SEMA3D: variants seen among roughly 807,000 people sequenced by gnomAD.
SEMA3D encodes the protein semaphorin-3D.
A neutral mutation model predicts 100.1 loss-of-function variants in SEMA3D; 84 were observed. The ratio of observed to expected loss-of-function variants is 0.84; its 90% CI spans 0.70 to 1.01. The LOEUF is 1.01. Ranked by LOEUF, SEMA3D falls within the 50% of genes least tolerant of loss-of-function variation. The probability of loss-of-function intolerance (pLI) is 0.00; values close to 1 mark genes in which losing one functional copy is unlikely to be tolerated. For synonymous variants in SEMA3D, 312 were observed against 320.7 expected (o/e 0.97, Z 0.29); for missense variants, 875 against 934.1 (o/e 0.94, Z 0.82).
At chr7:85,074,622 C>CATAT (rs10610475) in intron 5 of SEMA3D, among the ~76,000 whole-genome samples, 2 of 148,834 alleles carry the variant, frequency 1.3e-5, no homozygotes, top group Non-Finnish European at 3.0e-5. Context: ...TTTCAACTGG[C>CATAT]ATATATATAT....
At chr7:85,225,667 G>T in the SEMA3D span, among the ~76,000 whole-genome samples, 1,570 of 152,206 alleles carry the variant, frequency 0.01, 10 homozygotes, top group Non-Finnish European at 0.016. Flanking sequence ...TAAACTAAAA[G>T]AGCACCCTGT....
chr7:85,032,427 G>C (rs1040589053), intron 12 of SEMA3D, among the ~76,000 whole-genome samples: 1 of 151,926 alleles, frequency 6.6e-6, no homozygotes, highest in Admixed American at 6.6e-5. Flanking sequence ...GAAGTAAAAG[G>C]CTACCTATCT....
chr7:85,075,136 G>C (rs1380046912), intron 5 of SEMA3D, among the ~76,000 whole-genome samples: 1 of 152,122 alleles, frequency 6.6e-6, no homozygotes, highest in African/African-American at 2.4e-5. Context: ...GTACATAGGG[G>C]AGAGTATGCA....
At chr7:85,099,621 T>G (rs1212807676) in intron 3 of SEMA3D, among the ~76,000 whole-genome samples, 1 of 151,958 alleles carries the variant, frequency 6.6e-6, no homozygotes, top group East Asian at 1.9e-4. Flanking sequence ...TTCCAAAGTG[T>G]CTATACCACT....
chr7:85,234,601 AG>A, the SEMA3D span, among the ~76,000 whole-genome samples: 1 of 152,204 alleles, frequency 6.6e-6, no homozygotes, highest in African/African-American at 2.4e-5. Context: ...GCTCAATAAA[AG>A]CTCAGAAAAA....
chr7:85,070,769 C>A (rs1321603267), intron 6 of SEMA3D, among the ~76,000 whole-genome samples: 1 of 149,860 alleles, frequency 6.7e-6, no homozygotes, highest in Non-Finnish European at 1.5e-5. Flanking sequence ...AATTCCCTTT[C>A]AGCACTTGTG....
At chr7:85,228,630 T>C in the SEMA3D span, among the ~76,000 whole-genome samples, 1 of 152,126 alleles carries the variant, frequency 6.6e-6, no homozygotes, top group Non-Finnish European at 1.5e-5. Context: ...ACACACATTT[T>C]CTGTATTTTT....
At chr7:85,244,040 T>G in the SEMA3D span, among the ~76,000 whole-genome samples, 1 of 152,178 alleles carries the variant, frequency 6.6e-6, no homozygotes, top group Non-Finnish European at 1.5e-5. Flanking sequence ...TTTAGTATTG[T>G]TATAAGAGAA....
intron 3 of SEMA3D, among the ~76,000 whole-genome samples, chr7:85,100,451 T>C (rs1021424326): frequency 1.3e-5 from 2 of 152,026 alleles, no homozygotes; most frequent in African/African-American, 4.8e-5. Flanking sequence ...TCTTATTTTT[T>C]AAATCCTAGA....
intron 11 of SEMA3D, among the ~76,000 whole-genome samples, chr7:85,037,290 C>T (rs929900161): frequency 1.3e-5 from 2 of 152,088 alleles, no homozygotes; most frequent in Non-Finnish European, 2.9e-5. Flanking sequence ...ATAGGGCTGC[C>T]AGGTAAGTTT....
chr7:85,115,761 C>G (rs1434489860), intron 3 of SEMA3D, among the ~76,000 whole-genome samples: 1 of 151,952 alleles, frequency 6.6e-6, no homozygotes, highest in African/African-American at 2.4e-5. Flanking sequence ...CTCTCATGCC[C>G]CTCTCAGTCA....
At chr7:85,122,738 G>A (rs1366175661) in intron 2 of SEMA3D, among the ~76,000 whole-genome samples, 1 of 152,076 alleles carries the variant, frequency 6.6e-6, no homozygotes, top group African/African-American at 2.4e-5. Context: ...TAGGTGTTAG[G>A]CCTGGAACAA....
chr7:85,125,782 TCGTG>T (rs772079055), intron 2 of SEMA3D, among the ~76,000 whole-genome samples: 15 of 131,290 alleles, frequency 1.1e-4, no homozygotes, highest in Middle Eastern at 3.8e-3. Context: ...TTTGCTGTCT[TCGTG>T]TGTGTGTGTG....
At chr7:85,101,540 G>A (rs1277709748) in intron 3 of SEMA3D, among the ~76,000 whole-genome samples, 1 of 151,936 alleles carries the variant, frequency 6.6e-6, no homozygotes, top group African/African-American at 2.4e-5. Context: ...GTAAAGTGAG[G>A]ATAAAACCGG....
intron 5 of SEMA3D, among the ~76,000 whole-genome samples, chr7:85,073,314 A>G (rs748253070): frequency 2.6e-5 from 4 of 152,204 alleles, no homozygotes; most frequent in Admixed American, 6.5e-5. Context: ...CCATTGAACT[A>G]ATCAGAATTA....
At chr7:85,196,341 AAAAC>A in the SEMA3D span, among the ~76,000 whole-genome samples, 21,226 of 151,834 alleles carry the variant, frequency 0.14, 1,644 homozygotes, top group Middle Eastern at 0.21. Context: ...TATCATTTAG[AAAAC>A]AAACAAACAA....
chr7:85,226,443 ACATACT>A, the SEMA3D span, among the ~76,000 whole-genome samples: 1 of 152,020 alleles, frequency 6.6e-6, no homozygotes, highest in Admixed American at 6.5e-5. Flanking sequence ...TTATTAAATG[ACATACT>A]CATTGTATGG....
intron 18 of SEMA3D, among the ~76,000 whole-genome samples, chr7:85,001,661 C>T (rs958190288): frequency 3.3e-5 from 5 of 152,066 alleles, no homozygotes; most frequent in Non-Finnish European, 5.9e-5. Flanking sequence ...CATTTTTCTT[C>T]CCCCATTGGT....
At chr7:85,127,498 A>C (rs2116422241) in intron 2 of SEMA3D, among the ~76,000 whole-genome samples, 1 of 152,244 alleles carries the variant, frequency 6.6e-6, no homozygotes, top group East Asian at 1.9e-4. Context: ...TATGTGTGTA[A>C]TCTCTTAGGT....
Sources: gnomAD v4.1 joint callset for allele counts (sites outside exome capture counted in the v4.1 genomes callset) on GRCh38, gnomAD v4.1.1 for gene constraint, MANE v1.5 for transcripts, NCBI Gene and HGNC (gene_info 2026-07-23, HGNC 2026-07-21) for gene names.